The following ODAD2 variants were observed in gnomAD, a reference collection of about 807,000 sequenced individuals.
ODAD2 encodes outer dynein arm docking complex subunit 2.
A neutral mutation model predicts 106.8 loss-of-function variants in ODAD2; 89 were observed. That is an observed-to-expected ratio of 0.83 (90% CI 0.70 to 0.99). The LOEUF (loss-of-function observed/expected upper bound fraction) is 0.99, where lower values mean the gene tolerates loss of function less well. Among genes scored for constraint, ODAD2 ranks in the 50% least tolerant of loss-of-function variants. The pLI is 0.00. For missense variants in ODAD2, 1,168 were observed against 1,238.5 expected (o/e 0.94, Z 0.85); for synonymous variants, 404 against 436.2 (o/e 0.93, Z 0.92).
chr10:27,870,399 C>T (rs1205848202), intron 17 of ODAD2, among the ~76,000 whole-genome samples: 1 of 152,032 alleles, frequency 6.6e-6, no homozygotes, highest in African/African-American at 2.4e-5. Context: ...TACATGTGCT[C>T]AACATGCAGG....
intron 10 of ODAD2, among the ~76,000 whole-genome samples, chr10:27,954,460 G>A (rs1300688381): frequency 1.3e-5 from 2 of 151,448 alleles, no homozygotes. Context: ...CTCTAGCTGT[G>A]CTGGCTTATA....
intron 19 of ODAD2, among the ~76,000 whole-genome samples, chr10:27,850,444 CAAAAAAA>C (rs10713871): frequency 6.7e-5 from 6 of 89,582 alleles, no homozygotes; most frequent in Non-Finnish European, 1.3e-4. Context: ...GACTCCGTCT[CAAAAAAA>C]AAAAAAAAAA....
intron 17 of ODAD2, among the ~76,000 whole-genome samples, chr10:27,867,910 C>T (rs1465666596): frequency 2.0e-5 from 3 of 151,612 alleles, no homozygotes; most frequent in Admixed American, 6.6e-5. Flanking sequence ...GATCACTCCA[C>T]TGCACTCCAG....
chr10:27,944,153 A>G, intron 12 of ODAD2, 69 bp downstream of exon 12: 2 of 1,368,286 alleles, frequency 1.5e-6, no homozygotes, highest in South Asian at 2.5e-5. Flanking sequence ...GTGGCCAGAA[A>G]GGACAGCAAG....
At chr10:27,866,681 T>C (rs1840462224) in intron 17 of ODAD2, among the ~76,000 whole-genome samples, 1 of 152,048 alleles carries the variant, frequency 6.6e-6, no homozygotes, top group Non-Finnish European at 1.5e-5. Context: ...AGGCATCACA[T>C]GGTAAAAGAA....
chr10:27,904,206 A>G (rs1843418198), intron 17 of ODAD2: 1 of 336,238 alleles, frequency 3.0e-6, no homozygotes, highest in Non-Finnish European at 6.0e-6. Context: ...GGGCTCCTGC[A>G]ATGTGGTGCA....
At chr10:27,882,259 T>TAAG (rs1343212990) in intron 17 of ODAD2, among the ~76,000 whole-genome samples, 1 of 151,310 alleles carries the variant, frequency 6.6e-6, no homozygotes, top group African/African-American at 2.4e-5. Context: ...GATCTCATTC[T>TAAG]CAATAAGATT....
intron 17 of ODAD2, among the ~76,000 whole-genome samples, chr10:27,905,471 C>T (rs916875639): frequency 6.6e-5 from 10 of 152,258 alleles, no homozygotes; most frequent in Non-Finnish European, 7.3e-5. Flanking sequence ...AATGCTATCC[C>T]TATCAAGCTA....
rs577822505 is a variant in ODAD2 at position 27,939,394 on chromosome 10, C to T, written c.2097+503G>A. Among the ~76,000 whole-genome samples the T allele has an allele frequency of 7.2e-5, 11 of 152,232 alleles. No homozygotes were observed. The East Asian group carries it at 2.1e-3, about 29-fold the overall frequency. The stretch of plus-strand genomic sequence containing the variant: ...TACCACAGGACAATGGTTCTTAGAC[C>T]TGTCTATGAAAATCCAATGGAGTTC... On this transcript the variant is annotated intron_variant, in intron 14 of 19. Transcript: ENST00000305242.
intron 19 of ODAD2, among the ~76,000 whole-genome samples, chr10:27,850,916 C>T (rs1482825245): frequency 1.3e-5 from 2 of 152,094 alleles, no homozygotes; most frequent in Non-Finnish European, 2.9e-5. Context: ...GACAGTCTGT[C>T]CGAGTTGAGG....
intron 10 of ODAD2, among the ~76,000 whole-genome samples, chr10:27,946,853 A>C (rs1229051906): frequency 6.6e-6 from 1 of 152,212 alleles, no homozygotes; most frequent in African/African-American, 2.4e-5. Flanking sequence ...GACGATCCCA[A>C]GTGAAGACAG....
At chr10:27,937,201 T>A (rs1459085708) in intron 14 of ODAD2, among the ~76,000 whole-genome samples, 2 of 152,160 alleles carry the variant, frequency 1.3e-5, no homozygotes, top group African/African-American at 4.8e-5. Flanking sequence ...GAATGGAGGA[T>A]TTCTGCAGTG....
chr10:27,851,021 C>T (rs1045387054), intron 19 of ODAD2, among the ~76,000 whole-genome samples: 4 of 152,166 alleles, frequency 2.6e-5, no homozygotes, highest in Admixed American at 2.0e-4. Flanking sequence ...CTGGGGTCTG[C>T]GGAAGGTGCC....
intron 10 of ODAD2, 46 bp from the exon 11 acceptor site, chr10:27,945,008 C>G (rs1272875407): frequency 2.5e-6 from 4 of 1,603,548 alleles, no homozygotes; most frequent in Admixed American, 1.7e-5. Context: ...CACCGCATTC[C>G]CATAGAAATG....
chr10:27,814,069 G>A (rs954037689), intron 19 of ODAD2, among the ~76,000 whole-genome samples: 3 of 152,138 alleles, frequency 2.0e-5, no homozygotes, highest in East Asian at 1.9e-4. Flanking sequence ...TAAAGACAGG[G>A]TCCTTGTCAC....
intron 10 of ODAD2, among the ~76,000 whole-genome samples, chr10:27,951,012 C>T (rs1249546910): frequency 3.3e-5 from 5 of 151,902 alleles, no homozygotes; most frequent in South Asian, 2.1e-4. Flanking sequence ...GTTCCCATGT[C>T]GGGATTAGCA....
At position 27,940,761 on chromosome 10, in the gene ODAD2, T is replaced by C. The variant is rs1406986085; in HGVS notation, c.1788A>G (p.Gln596=). ...DCAHDSTKPA[Q]SSLYEARDVE... The stretch of plus-strand genomic sequence containing the variant: ...CGTCTCTGGCCTCATACAGACTCGA[T>C]TGGGCAGGTTTTGTGGAATCATGTG... Residue 596 remains glutamine, a synonymous_variant, in exon 13 of 20, where the codon CAA becomes CAG. Coordinates refer to ENST00000305242, the MANE Select transcript of ODAD2 (RefSeq NM_018076.5). 2 of 1,613,986 alleles carry C rather than the reference T, an allele frequency of 1.2e-6. No individual in the cohort carries two copies. The highest frequency in any genetic ancestry group is 1.7e-6 in the Non-Finnish European group (2 of 1,179,984).
At chr10:27,849,247 T>C (rs1386844558) in intron 19 of ODAD2, among the ~76,000 whole-genome samples, 1 of 152,156 alleles carries the variant, frequency 6.6e-6, no homozygotes, top group African/African-American at 2.4e-5. Flanking sequence ...TTCATGTCCT[T>C]TGTAGGGACA....
At chr10:27,857,363 T>C (rs763713463) in intron 19 of ODAD2, among the ~76,000 whole-genome samples, 17 of 152,354 alleles carry the variant, frequency 1.1e-4, no homozygotes, top group South Asian at 6.2e-4. Flanking sequence ...TTGATGTTTT[T>C]GGTCAACAGT....
Sources: gnomAD v4.1 joint callset for allele counts (sites outside exome capture counted in the v4.1 genomes callset) on GRCh38, gnomAD v4.1.1 for gene constraint, MANE v1.5 for transcripts, NCBI Gene and HGNC (gene_info 2026-07-23, HGNC 2026-07-21) for gene names.